ZNF423: variants seen among roughly 807,000 people sequenced by gnomAD.
ZNF423 encodes zinc finger protein 423, also known as Ebf-associated zinc finger protein.
A neutral mutation model predicts 95.8 loss-of-function variants in ZNF423; 12 were observed. That is an observed-to-expected ratio of 0.13 (90% CI 0.08 to 0.20). ZNF423 has a LOEUF of 0.20. Ranked by LOEUF, ZNF423 falls within the 10% of genes least tolerant of loss-of-function variation. ZNF423 has a pLI of 1.00. For missense variants in ZNF423, 1,316 were observed against 1,737.1 expected, an observed-to-expected ratio of 0.76 and a Z score of 4.31; for synonymous variants, 749 against 711.9, an observed-to-expected ratio of 1.05 and a Z score of -0.83.
chr16:49,804,701 A>C (rs1327975714), intron 1 of ZNF423, among the ~76,000 whole-genome samples: 1 of 152,170 alleles, frequency 6.6e-6, no homozygotes, highest in Non-Finnish European at 1.5e-5. Context: ...AATTGAAGCA[A>C]GATGCCTTAG....
At chr16:49,854,442 C>T (rs2144135643) in intron 1 of ZNF423, 1 of 985,418 alleles carries the variant, frequency 1.0e-6, no homozygotes, top group Non-Finnish European at 1.2e-6. Flanking sequence ...AGGAAGGGAG[C>T]GGGGCCCCAG....
chr16:49,643,511 A>T (rs1375137003), intron 3 of ZNF423, among the ~76,000 whole-genome samples: 2 of 135,636 alleles, frequency 1.5e-5, no homozygotes, highest in African/African-American at 5.4e-5. Context: ...ACCCCCCCTT[A>T]GTCCTGTTCA....
At chr16:49,596,360 T>C (rs117128054) in intron 5 of ZNF423, among the ~76,000 whole-genome samples, 4,533 of 152,120 alleles carry the variant, frequency 0.03, 85 homozygotes, top group Middle Eastern at 0.065. Context: ...CCGGAGTAGA[T>C]AGAGAAGGCA....
At chr16:49,652,210 C>A (rs1691844928) in intron 3 of ZNF423, among the ~76,000 whole-genome samples, 2 of 151,994 alleles carry the variant, frequency 1.3e-5, no homozygotes. Flanking sequence ...GACGCGTCCA[C>A]CTTTCCCCTT....
chr16:49,680,201 A>G (rs1467661179), intron 3 of ZNF423, among the ~76,000 whole-genome samples: 2 of 152,046 alleles, frequency 1.3e-5, no homozygotes, highest in Non-Finnish European at 2.9e-5. Context: ...CTGCCTGCAG[A>G]AAGGAGCTAC....
chr16:49,794,048 G>A (rs1861344), intron 1 of ZNF423, among the ~76,000 whole-genome samples: 82,002 of 149,644 alleles, frequency 0.55, 22,280 homozygotes, highest in Middle Eastern at 0.63. Context: ...TCTCTCTCTC[G>A]CTCTCTGAGA....
rs1972820931 is a variant in ZNF423 at position 49,638,121 on chromosome 16, C to T, written c.1055G>A (p.Ser352Asn). ...SVEGVYCHLD[S>N]HRQPDSSNHS... ...GTTGCTGGAGTCGGGCTGCCGGTGG[C>T]TGTCCAGGTGGCAGTAGACACCTTC... Residue 352 changes from serine to asparagine, a missense_variant, in exon 4 of 8, where the codon AGC becomes AAC. Physicochemically the swap from Ser to Asn is conservative, Grantham distance 46. Coordinates refer to ENST00000563137, the MANE Select transcript of ZNF423 (RefSeq NM_001379286.1). The surrounding 1 kb of genome is among the most constrained non-coding windows in gnomAD (Gnocchi z 5.6). The T allele has an allele frequency of 1.2e-6, 2 of 1,612,838 alleles. No individual in the cohort carries two copies. The highest frequency in any genetic ancestry group is 1.7e-5 in the Admixed American group (1 of 59,988).
chr16:49,711,511 T>C (rs1370405110), intron 3 of ZNF423: 3 of 152,176 alleles, frequency 2.0e-5, no homozygotes, highest in Non-Finnish European at 4.4e-5. Flanking sequence ...ATTGTTTCTG[T>C]GGATACACAT....
rs1226618203 is a variant in ZNF423 at position 49,636,742 on chromosome 16, T to C, written c.2434A>G (p.Ser812Gly). Residue 812 changes from serine (S) to glycine (G), a missense_variant, in exon 4 of 8, where the codon AGC becomes GGC. By Grantham distance (56) the Ser-to-Gly change is moderately conservative. Transcript: ENST00000563137. The surrounding 1 kb of genome is among the most constrained non-coding windows in gnomAD (Gnocchi z 8.6). The part of the protein sequence containing the change: ...VELQCHITTH[S>G]KKYNCKFCSK... ...CAGAACTTACAGTTATACTTCTTGC[T>C]GTGTGTGGTGATGTGGCACTGCAGC... The C allele has an allele frequency of 1.2e-6, 2 of 1,614,096 alleles. No homozygotes were observed. The highest frequency in any genetic ancestry group is 4.5e-5 in the East Asian group (2 of 44,872).
intron 3 of ZNF423, among the ~76,000 whole-genome samples, chr16:49,687,655 A>G (rs1430042923): frequency 6.6e-6 from 1 of 152,142 alleles, no homozygotes; most frequent in East Asian, 1.9e-4. Flanking sequence ...ATGAGGAACC[A>G]GGGGGGCCTT....
intron 5 of ZNF423, among the ~76,000 whole-genome samples, chr16:49,559,308 T>C (rs140743392): frequency 1.3e-5 from 2 of 152,228 alleles, no homozygotes; most frequent in African/African-American, 4.8e-5. Context: ...CAGGGTACAG[T>C]ACGGGAAATA....
chr16:49,637,728 C>T lies in ZNF423; in HGVS notation c.1448G>A (p.Gly483Asp), dbSNP rs774043219. The T allele has an allele frequency of 6.2e-7, 1 of 1,614,110 alleles. No homozygotes were observed. The highest frequency in any genetic ancestry group is 1.7e-5 in the Admixed American group (1 of 60,030). Residue 483 changes from glycine to aspartate, a missense_variant, in exon 4 of 8, where the codon GGC becomes GAC. By Grantham distance (94) the Gly-to-Asp change is moderately conservative. Transcript: ENST00000563137. This position sits in a 1 kb window ranked among gnomAD's most constrained non-coding sequence, Gnocchi z 5.6. ...GTTGCAGTGGAAGGCAGAGATGTTGCCAAACTGCATCACAGGGTAGGCATG... is the reference window on the plus strand; with the variant it reads ...GTTGCAGTGGAAGGCAGAGATGTTGTCAAACTGCATCACAGGGTAGGCATG... ...KNHAYPVMQF[G>D]NISAFHCNYC...
intron 1 of ZNF423, chr16:49,854,399 G>GCCA (rs2035334675): frequency 1.0e-6 from 1 of 985,158 alleles, no homozygotes; most frequent in African/African-American, 1.7e-5. Context: ...GCCAGATTCA[G>GCCA]TTCCAGCCAT....
chr16:49,690,692 T>C (rs540639117), intron 3 of ZNF423, among the ~76,000 whole-genome samples: 2 of 152,296 alleles, frequency 1.3e-5, no homozygotes, highest in Admixed American at 6.5e-5. Context: ...TGGGTTACCA[T>C]TGGATAAACA....
intron 5 of ZNF423, among the ~76,000 whole-genome samples, chr16:49,528,773 C>CGGG (rs1425556418): frequency 1.9e-4 from 26 of 133,446 alleles, no homozygotes; most frequent in African/African-American, 6.8e-4. Flanking sequence ...GGGGGAGGGC[C>CGGG]GGGGAGGTGG....
At chr16:49,663,397 AC>A (rs1053951907) in intron 3 of ZNF423, among the ~76,000 whole-genome samples, 1 of 149,984 alleles carries the variant, frequency 6.7e-6, no homozygotes, top group African/African-American at 2.5e-5. Context: ...CCCCCAGCCC[AC>A]CCCCCTCGAG....
At chr16:49,541,066 T>C (rs12928998) in intron 5 of ZNF423, among the ~76,000 whole-genome samples, 75,011 of 152,082 alleles carry the variant, frequency 0.49, 21,804 homozygotes, top group African/African-American at 0.82. Context: ...CACTCCCTGC[T>C]CACCTGCCCC....
intron 1 of ZNF423, among the ~76,000 whole-genome samples, chr16:49,848,286 C>T (rs745462172): frequency 2.0e-5 from 3 of 152,096 alleles, no homozygotes; most frequent in Non-Finnish European, 2.9e-5. Context: ...TTGTAGGTGA[C>T]GGTGATAGGC....
intron 2 of ZNF423, among the ~76,000 whole-genome samples, chr16:49,748,441 G>T (rs1370847165): frequency 2.0e-5 from 3 of 152,190 alleles, no homozygotes; most frequent in Non-Finnish European, 4.4e-5. Context: ...CACCTTCGGG[G>T]AGATGAGAAT....
Sources: gnomAD v4.1 joint callset for allele counts (sites outside exome capture counted in the v4.1 genomes callset) on GRCh38, gnomAD v4.1.1 for gene constraint, Gnocchi (gnomAD v3.1) non-coding constraint, MANE v1.5 for transcripts, NCBI Gene and HGNC (gene_info 2026-07-23, HGNC 2026-07-21) for gene names.